The following NXPH1 variants were observed in gnomAD, a reference collection of about 807,000 sequenced individuals.
The protein encoded by NXPH1 is neurexophilin-1.
A neutral mutation model predicts 23.7 loss-of-function variants in NXPH1; 5 were observed. The observed-to-expected ratio is 0.21, with a 90% CI of 0.11 to 0.44. NXPH1 has a LOEUF of 0.44. NXPH1 is among the 20% of genes least tolerant of loss of function. NXPH1 has a pLI of 0.99. For synonymous variants in NXPH1, 144 were observed against 122.2 expected, an observed-to-expected ratio of 1.18 and a Z score of -1.18; for missense variants, 324 against 321.6, an observed-to-expected ratio of 1.01 and a Z score of -0.06.
chr7:8,695,014 A>C (rs887814785), intron 2 of NXPH1, among the ~76,000 whole-genome samples: 16 of 152,198 alleles, frequency 1.1e-4, no homozygotes, highest in African/African-American at 3.6e-4. Flanking sequence ...AAAGCATTGG[A>C]TATAATTTTG....
intron 2 of NXPH1, among the ~76,000 whole-genome samples, chr7:8,581,388 CG>C (rs1818868695): frequency 6.6e-6 from 1 of 152,052 alleles, no homozygotes; most frequent in Non-Finnish European, 1.5e-5. Context: ...ACAATCATGA[CG>C]GAAAGCAAAG....
At chr7:8,571,218 G>C (rs975956532) in intron 2 of NXPH1, among the ~76,000 whole-genome samples, 7 of 151,856 alleles carry the variant, frequency 4.6e-5, no homozygotes, top group African/African-American at 1.7e-4. Flanking sequence ...TCATAGGAGA[G>C]TCTGGGCTAA....
At chr7:8,705,427 C>T (rs941111468) in intron 2 of NXPH1, among the ~76,000 whole-genome samples, 6 of 152,136 alleles carry the variant, frequency 3.9e-5, no homozygotes, top group African/African-American at 9.7e-5. Context: ...CCTGCCAGGA[C>T]GGTGAACCTA....
At position 8,588,052 on chromosome 7, in the gene NXPH1, C is replaced by T. The variant is rs1251263370; in HGVS notation, c.54+152285C>T. Among the ~76,000 whole-genome samples the T allele has an allele frequency of 1.3e-5, 2 of 152,202 alleles. 1 individual carries two copies. The highest frequency in any genetic ancestry group is 4.2e-4 in the South Asian group (2 of 4,812). On this transcript the variant is annotated intron_variant, in intron 2 of 2. Transcript: ENST00000405863. ...ACAAATCAAAATGACAATGAGATAC[C>T]ATCTCACGCTAGTTAGAATGGCAAT...
chr7:8,461,742 A>G (rs907505246), intron 2 of NXPH1, among the ~76,000 whole-genome samples: 21 of 148,032 alleles, frequency 1.4e-4, no homozygotes, highest in Admixed American at 2.0e-4. Flanking sequence ...AGGGAGGAGA[A>G]TGGCGTGAAC....
intron 2 of NXPH1, among the ~76,000 whole-genome samples, chr7:8,681,925 T>C (rs1254040678): frequency 1.3e-5 from 2 of 152,168 alleles, no homozygotes; most frequent in African/African-American, 4.8e-5. Flanking sequence ...TTTGCCCCTT[T>C]TCTAGAAATC....
chr7:8,486,912 C>A (rs953490861), intron 2 of NXPH1, among the ~76,000 whole-genome samples: 1 of 152,022 alleles, frequency 6.6e-6, no homozygotes, highest in African/African-American at 2.4e-5. Context: ...ATTACAGGCC[C>A]TTTATTATTT....
chr7:8,518,932 T>TC lies in NXPH1; in HGVS notation c.54+83166dup, dbSNP rs1436927332. Among the ~76,000 whole-genome samples, 10 of 152,230 alleles carry TC rather than the reference T, an allele frequency of 6.6e-5. No individual in the cohort carries two copies. The East Asian group carries it at 1.4e-3, about 21-fold the overall frequency. On this transcript the variant is annotated intron_variant, in intron 2 of 2. Coordinates refer to ENST00000405863, the MANE Select transcript of NXPH1 (RefSeq NM_152745.3). ...CCCCATCCCCTGTTCATTTTTTTTT[T>TC]CTCCCCAAAGGCTGGAGATAGTGCA... is the stretch of plus-strand genomic sequence containing the variant.
chr7:8,521,807 T>C (rs1403183407), intron 2 of NXPH1, among the ~76,000 whole-genome samples: 2 of 152,084 alleles, frequency 1.3e-5, no homozygotes, highest in Admixed American at 6.6e-5. Context: ...CAAAAAAGAA[T>C]TCAGGTGAAC....
intron 2 of NXPH1, among the ~76,000 whole-genome samples, chr7:8,611,428 C>G (rs1272812443): frequency 6.6e-6 from 1 of 152,142 alleles, no homozygotes; most frequent in African/African-American, 2.4e-5. Context: ...AAGACCAAAT[C>G]TCTGAAGAAA....
At chr7:8,583,706 A>G (rs1298907237) in intron 2 of NXPH1, among the ~76,000 whole-genome samples, 1 of 152,184 alleles carries the variant, frequency 6.6e-6, no homozygotes, top group African/African-American at 2.4e-5. Flanking sequence ...CAACAAGTGC[A>G]GCAACAGTGG....
At chr7:8,570,762 TAG>T (rs1818628083) in intron 2 of NXPH1, among the ~76,000 whole-genome samples, 1 of 151,782 alleles carries the variant, frequency 6.6e-6, no homozygotes, top group South Asian at 2.1e-4. Flanking sequence ...GGAGTAGGGT[TAG>T]AGTTTAAAAT....
At chr7:8,580,485 G>A (rs534266584) in intron 2 of NXPH1, among the ~76,000 whole-genome samples, 11 of 152,236 alleles carry the variant, frequency 7.2e-5, no homozygotes, top group Admixed American at 6.5e-4. Context: ...GAGATTAGGG[G>A]GCTGAGAATG....
At chr7:8,520,221 T>C (rs1442217279) in intron 2 of NXPH1, among the ~76,000 whole-genome samples, 1 of 152,198 alleles carries the variant, frequency 6.6e-6, no homozygotes, top group Non-Finnish European at 1.5e-5. Flanking sequence ...ATCCATCCTC[T>C]CCTGCCAGTA....
At chr7:8,634,128 C>T (rs1820177149) in intron 2 of NXPH1, among the ~76,000 whole-genome samples, 1 of 152,080 alleles carries the variant, frequency 6.6e-6, no homozygotes, top group Admixed American at 6.6e-5. Context: ...GCTGTGTCCC[C>T]ACTCAAATCT....
chr7:8,749,998 G>T (rs1301555281), intron 2 of NXPH1, among the ~76,000 whole-genome samples: 1 of 152,168 alleles, frequency 6.6e-6, no homozygotes, highest in Non-Finnish European at 1.5e-5. Context: ...TAGGAGAACA[G>T]TGTCTGCATG....
At chr7:8,516,462 T>A (rs1470103115) in intron 2 of NXPH1, among the ~76,000 whole-genome samples, 1 of 152,128 alleles carries the variant, frequency 6.6e-6, no homozygotes. Flanking sequence ...TTAATACTGT[T>A]TTTGCTGATT....
At chr7:8,637,638 C>T (rs78381403) in intron 2 of NXPH1, among the ~76,000 whole-genome samples, 7,877 of 152,132 alleles carry the variant, frequency 0.052, 418 homozygotes, top group East Asian at 0.17. Flanking sequence ...TTTTTAGATG[C>T]TGTGTTTAGA....
At chr7:8,653,013 T>C (rs1391589282) in intron 2 of NXPH1, among the ~76,000 whole-genome samples, 2 of 152,188 alleles carry the variant, frequency 1.3e-5, no homozygotes, top group East Asian at 3.8e-4. Flanking sequence ...CTGCTTCCTT[T>C]TGTTTATTTC....
Sources: gnomAD v4.1 joint callset for allele counts (sites outside exome capture counted in the v4.1 genomes callset) on GRCh38, gnomAD v4.1.1 for gene constraint, MANE v1.5 for transcripts, NCBI Gene and HGNC (gene_info 2026-07-23, HGNC 2026-07-21) for gene names.